VWC2L: variants seen among roughly 807,000 people sequenced by gnomAD.
VWC2L encodes von Willebrand factor C domain-containing protein 2-like.
VWC2L carries 10 observed loss-of-function variants against 21.6 expected under a neutral mutation model. The ratio of observed to expected loss-of-function variants is 0.46; its 90% CI spans 0.29 to 0.78. The LOEUF (loss-of-function observed/expected upper bound fraction) is 0.78, where lower values mean the gene tolerates loss of function less well. Among genes scored for constraint, VWC2L ranks in the 30% least tolerant of loss-of-function variants. The pLI is 0.10. For synonymous variants in VWC2L, 96 were observed against 94.3 expected (o/e 1.02, Z -0.10); for missense variants, 209 against 277.1 (o/e 0.75, Z 1.74).
intron 3 of VWC2L, among the ~76,000 whole-genome samples, chr2:214,505,639 A>G (rs928507288): frequency 2.0e-5 from 3 of 152,204 alleles, no homozygotes; most frequent in Non-Finnish European, 2.9e-5. Flanking sequence ...ATTCATTGGC[A>G]TTGAGTTACC....
chr2:214,497,299 A>G (rs992974266), intron 3 of VWC2L, among the ~76,000 whole-genome samples: 1 of 148,912 alleles, frequency 6.7e-6, no homozygotes, highest in Non-Finnish European at 1.5e-5. Flanking sequence ...GTTGGCTTCA[A>G]AACTATAGCT....
intron 3 of VWC2L, among the ~76,000 whole-genome samples, chr2:214,438,540 C>T (rs944989905): frequency 1.8e-4 from 27 of 151,934 alleles, no homozygotes; most frequent in African/African-American, 5.8e-4. Flanking sequence ...CTAGACACAT[C>T]CAGCATATTC....
At chr2:214,413,559 T>C (rs1019903478) in intron 1 of VWC2L, among the ~76,000 whole-genome samples, 4 of 152,150 alleles carry the variant, frequency 2.6e-5, no homozygotes, top group African/African-American at 9.6e-5. Flanking sequence ...GTTGACGCCA[T>C]TGTTGTTCTT....
intron 3 of VWC2L, among the ~76,000 whole-genome samples, 184 bp from the exon 4 acceptor site, chr2:214,575,488 G>A (rs769750283): frequency 6.6e-5 from 10 of 152,178 alleles, no homozygotes; most frequent in Non-Finnish European, 1.3e-4. Flanking sequence ...AATATGAGCT[G>A]TGTGCAAAAG....
At chr2:214,527,300 G>T (rs187215245) in intron 3 of VWC2L, among the ~76,000 whole-genome samples, 4 of 152,090 alleles carry the variant, frequency 2.6e-5, no homozygotes, top group Non-Finnish European at 4.4e-5. Context: ...TACTATGCTC[G>T]CTACCTGGTT....
chr2:214,567,403 C>A (rs1172162979), intron 3 of VWC2L, among the ~76,000 whole-genome samples: 2 of 152,018 alleles, frequency 1.3e-5, no homozygotes, highest in African/African-American at 4.8e-5. Context: ...GCCTTCCTGG[C>A]CATATGTGCT....
intron 3 of VWC2L, among the ~76,000 whole-genome samples, chr2:214,517,741 A>AT (rs1248491111): frequency 6.6e-6 from 1 of 152,252 alleles, no homozygotes; most frequent in Non-Finnish European, 1.5e-5. Flanking sequence ...AATAATGGTG[A>AT]TAATACAAGG....
At chr2:214,509,114 G>A (rs1006735263) in intron 3 of VWC2L, among the ~76,000 whole-genome samples, 1 of 151,988 alleles carries the variant, frequency 6.6e-6, no homozygotes, top group African/African-American at 2.4e-5. Context: ...GATGCACACA[G>A]GCTTGAGCCT....
intron 3 of VWC2L, among the ~76,000 whole-genome samples, chr2:214,554,920 A>G (rs527964837): frequency 1.8e-4 from 27 of 152,258 alleles, no homozygotes; most frequent in Non-Finnish European, 1.3e-4. Flanking sequence ...GAAAATCTAC[A>G]TTCTCTGAAG....
intron 1 of VWC2L, 143 bp downstream of exon 1, chr2:214,411,929 T>C (rs929620462): frequency 6.6e-6 from 1 of 152,102 alleles, no homozygotes; most frequent in African/African-American, 2.4e-5. Context: ...TGCTTTCTTT[T>C]TAAAAATCTT....
intron 3 of VWC2L, among the ~76,000 whole-genome samples, chr2:214,568,833 T>C (rs914779244): frequency 6.6e-6 from 1 of 152,186 alleles, no homozygotes; most frequent in Non-Finnish European, 1.5e-5. Flanking sequence ...TGTTGCTTAA[T>C]AGATAGGATC....
At chr2:214,465,598 C>A (rs1387910270) in intron 3 of VWC2L, among the ~76,000 whole-genome samples, 1 of 152,186 alleles carries the variant, frequency 6.6e-6, no homozygotes, top group Non-Finnish European at 1.5e-5. Flanking sequence ...CTGGGTGATG[C>A]AAGCACCTTC....
chr2:214,489,159 T>C (rs540002941), intron 3 of VWC2L, among the ~76,000 whole-genome samples: 2 of 151,982 alleles, frequency 1.3e-5, no homozygotes, highest in African/African-American at 2.4e-5. Flanking sequence ...CAGTCAGCCT[T>C]GTCCATAGTA....
intron 3 of VWC2L, among the ~76,000 whole-genome samples, chr2:214,534,885 G>T (rs1024074219): frequency 2.0e-5 from 3 of 152,028 alleles, no homozygotes; most frequent in Non-Finnish European, 4.4e-5. Context: ...TGTAACTAGT[G>T]TTATATTAGT....
intron 3 of VWC2L, among the ~76,000 whole-genome samples, chr2:214,483,212 C>T (rs1198247773): frequency 6.6e-6 from 1 of 152,180 alleles, no homozygotes; most frequent in Non-Finnish European, 1.5e-5. Context: ...CACCTTACTA[C>T]TGTCTGGCCT....
At chr2:214,558,115 T>C (rs183186416) in intron 3 of VWC2L, among the ~76,000 whole-genome samples, 1 of 152,370 alleles carries the variant, frequency 6.6e-6, no homozygotes, top group East Asian at 1.9e-4. Flanking sequence ...CACTTGACAC[T>C]GCTGTCACAG....
chr2:214,547,904 T>C (rs892675290), intron 3 of VWC2L, among the ~76,000 whole-genome samples: 2 of 152,226 alleles, frequency 1.3e-5, no homozygotes, highest in East Asian at 1.9e-4. Flanking sequence ...TAGTATGCCA[T>C]AGGCACCAAG....
rs182247773 is a variant in VWC2L, at chr2:214,421,236, T to C, written c.390+6653T>C. Among the ~76,000 whole-genome samples, 579 of 152,310 alleles carry C rather than the reference T, an allele frequency of 3.8e-3. 13 individuals carry two copies. Among genetic ancestry groups the C allele is most frequent in the Admixed American group, 0.036 (550 of 15,304 alleles). On this transcript the variant is annotated intron_variant, in intron 2 of 3. Transcript: ENST00000312504. ...TTTTAAAATAATTTTTCTTAAAAAA[T>C]TGCATTGATAATTGAGTGTTATCCT...
chr2:214,517,163 T>G (rs920135949), intron 3 of VWC2L, among the ~76,000 whole-genome samples: 2 of 152,242 alleles, frequency 1.3e-5, no homozygotes, highest in Non-Finnish European at 2.9e-5. Flanking sequence ...CTTCTGTGTC[T>G]TAGCATGTAA....
Sources: allele counts gnomAD v4.1 joint callset (sites outside exome capture counted in the v4.1 genomes callset), GRCh38; gene constraint gnomAD v4.1.1; transcripts MANE v1.5; gene names NCBI Gene and HGNC (gene_info 2026-07-23, HGNC 2026-07-21).